The following TENM4 variants were observed in gnomAD, a reference collection of about 807,000 sequenced individuals.
TENM4 encodes the protein teneurin-4.
TENM4 carries 82 observed loss-of-function variants against 243.3 expected under a neutral mutation model. The observed-to-expected ratio is 0.34, with a 90% CI of 0.28 to 0.40. The LOEUF is 0.40. Among genes scored for constraint, TENM4 ranks in the 10% least tolerant of loss-of-function variants. TENM4 has a pLI of 1.00. For missense variants in TENM4, 3,138 were observed against 3,673.3 expected (o/e 0.85, Z 3.77); for synonymous variants, 1,412 against 1,456.3 (o/e 0.97, Z 0.69).
At chr11:79,016,479 T>C (rs954686880) in intron 6 of TENM4, among the ~76,000 whole-genome samples, 1 of 152,176 alleles carries the variant, frequency 6.6e-6, no homozygotes, top group Admixed American at 6.5e-5. Flanking sequence ...GTCATGATTA[T>C]GAGTTTTGTT....
At chr11:78,767,126 G>A (rs1051728026) in intron 18 of TENM4, among the ~76,000 whole-genome samples, 23 of 152,134 alleles carry the variant, frequency 1.5e-4, no homozygotes, top group Admixed American at 7.2e-4. Flanking sequence ...AGGGCTACAG[G>A]GATCTACAAT....
chr11:79,406,069 C>A, intron 1 of TENM4, among the ~76,000 whole-genome samples: 1 of 152,106 alleles, frequency 6.6e-6, no homozygotes, highest in East Asian at 1.9e-4. Context: ...CGCACCAGGG[C>A]TGATGTTTCT....
chr11:79,157,412 T>C (rs1862645507), intron 3 of TENM4, among the ~76,000 whole-genome samples: 1 of 152,162 alleles, frequency 6.6e-6, no homozygotes, highest in Non-Finnish European at 1.5e-5. Context: ...TTTCTCTCTT[T>C]CTTTCATACC....
intron 1 of TENM4, among the ~76,000 whole-genome samples, chr11:79,379,395 T>C (rs1021571240): frequency 6.6e-6 from 1 of 152,182 alleles, no homozygotes; most frequent in African/African-American, 2.4e-5. Flanking sequence ...AAGACCTCTC[T>C]GGATGCTGTG....
chr11:79,051,002 C>T (rs969989573), intron 6 of TENM4, among the ~76,000 whole-genome samples: 1 of 152,178 alleles, frequency 6.6e-6, no homozygotes, highest in African/African-American at 2.4e-5. Context: ...GTCAGATAGA[C>T]CTGGGGTTGA....
intron 6 of TENM4, among the ~76,000 whole-genome samples, chr11:78,956,753 T>C (rs1857214327): frequency 6.6e-6 from 1 of 152,252 alleles, no homozygotes; most frequent in African/African-American, 2.4e-5. Context: ...AAAACTCATT[T>C]AGAGGCAAAA....
chr11:79,286,713 C>T (rs751153571), intron 2 of TENM4, among the ~76,000 whole-genome samples: 1 of 151,896 alleles, frequency 6.6e-6, no homozygotes, highest in South Asian at 2.1e-4. Flanking sequence ...ATAACACAAA[C>T]CTTTAGGACT....
intron 14 of TENM4, among the ~76,000 whole-genome samples, 153 bp downstream of exon 14, chr11:78,811,969 G>T (rs1411293404): frequency 1.3e-5 from 2 of 152,178 alleles, no homozygotes; most frequent in African/African-American, 2.4e-5. Flanking sequence ...CTTTGGATTA[G>T]TTACTGTTGC....
At chr11:79,215,168 T>C (rs923323410) in intron 3 of TENM4, among the ~76,000 whole-genome samples, 1 of 152,218 alleles carries the variant, frequency 6.6e-6, no homozygotes, top group Non-Finnish European at 1.5e-5. Flanking sequence ...CTCCTCTCTG[T>C]ACCATGTTCC....
At chr11:79,366,749 T>C (rs535560900) in intron 1 of TENM4, among the ~76,000 whole-genome samples, 52 of 152,340 alleles carry the variant, frequency 3.4e-4, no homozygotes, top group Non-Finnish European at 5.9e-4. Flanking sequence ...TTCTTTCTTG[T>C]GTTTCTAGGC....
intron 2 of TENM4, among the ~76,000 whole-genome samples, chr11:79,218,485 G>A (rs1401984394): frequency 6.6e-6 from 1 of 151,952 alleles, no homozygotes. Context: ...TCTTTCTCAG[G>A]CTCCCTTTTT....
chr11:79,265,169 T>C (rs1192876466), intron 2 of TENM4, among the ~76,000 whole-genome samples: 1 of 152,206 alleles, frequency 6.6e-6, no homozygotes, highest in Non-Finnish European at 1.5e-5. Context: ...GCTCACTGCC[T>C]TGTAATGCAT....
intron 6 of TENM4, among the ~76,000 whole-genome samples, chr11:78,909,412 G>A (rs1200510216): frequency 6.6e-6 from 1 of 152,210 alleles, no homozygotes; most frequent in African/African-American, 2.4e-5. Flanking sequence ...TAAAGGCTAA[G>A]CAATTTGCCC....
chr11:79,172,929 C>A (rs1429675789), intron 3 of TENM4, among the ~76,000 whole-genome samples: 1 of 152,188 alleles, frequency 6.6e-6, no homozygotes, highest in Non-Finnish European at 1.5e-5. Context: ...GCGTGAGCCA[C>A]CGTGCCTGGC....
At chr11:79,064,603 A>T in intron 6 of TENM4, 135 bp downstream of exon 6, 1 of 1,191,910 alleles carries the variant, frequency 8.4e-7, no homozygotes, top group Non-Finnish European at 1.2e-6. Context: ...AGACTCTGAC[A>T]TTTGACCCCT....
intron 1 of TENM4, among the ~76,000 whole-genome samples, chr11:79,428,819 C>T (rs1859108473): frequency 6.6e-6 from 1 of 152,182 alleles, no homozygotes; most frequent in Admixed American, 6.5e-5. Flanking sequence ...ACATAAATTA[C>T]TCAATATAAG....
In TENM4 at chr11:78,669,679, G is replaced by A. The variant is rs371138984; in HGVS notation, c.6666C>T (p.Asn2222=). The A allele has an allele frequency of 5.8e-5, 93 of 1,614,012 alleles. No homozygotes were observed. Among genetic ancestry groups the A allele is most frequent in the Non-Finnish European group, 7.3e-5 (86 of 1,179,896 alleles). ...LWRYSYDLNG[N]LHLLSPGNSA... The stretch of plus-strand genomic sequence containing the variant: ...TGTTCCCAGGGCTCAGTAAGTGCAG[G>A]TTCCCATTGAGGTCGTAGCTGTAGC... Residue 2222 remains asparagine (N), a synonymous_variant, in exon 32 of 34, where the codon AAC becomes AAT. Coordinates refer to ENST00000278550, the MANE Select transcript of TENM4 (RefSeq NM_001098816.3). The surrounding 1 kb of genome is among the most constrained non-coding windows in gnomAD (Gnocchi z 6.4).
At chr11:78,806,566 A>C (rs1857392463) in intron 14 of TENM4, among the ~76,000 whole-genome samples, 2 of 152,234 alleles carry the variant, frequency 1.3e-5, no homozygotes, top group South Asian at 4.1e-4. Context: ...TATCAGATTC[A>C]GTTTTCTCAG....
intron 3 of TENM4, among the ~76,000 whole-genome samples, chr11:79,164,539 CTA>C (rs895736270): frequency 7.1e-6 from 1 of 141,030 alleles, no homozygotes; most frequent in Non-Finnish European, 1.5e-5. Context: ...CTATATAGTA[CTA>C]TATATATCTA....
Sources: gnomAD v4.1 joint callset for allele counts (sites outside exome capture counted in the v4.1 genomes callset) on GRCh38, gnomAD v4.1.1 for gene constraint, Gnocchi (gnomAD v3.1) non-coding constraint, MANE v1.5 for transcripts, NCBI Gene and HGNC (gene_info 2026-07-23, HGNC 2026-07-21) for gene names.